MED12: variants seen among roughly 807,000 people sequenced by gnomAD.
MED12 encodes mediator of RNA polymerase II transcription subunit 12.
A neutral mutation model predicts 177.7 loss-of-function variants in MED12; 10 were observed. That is an observed-to-expected ratio of 0.06 (90% CI 0.03 to 0.10). The LOEUF is 0.10. Ranked by LOEUF, MED12 falls within the 10% of genes least tolerant of loss-of-function variation. MED12 has a pLI of 1.00. For synonymous variants in MED12, 641 were observed against 678.4 expected (o/e 0.94, Z 0.86); for missense variants, 867 against 1,780.8 (o/e 0.49, Z 9.23).
chrX:71,135,083 T>C lies in MED12; in HGVS notation c.4864-9T>C. On this transcript the variant is annotated splice_polypyrimidine_tract_variant and intron_variant, in intron 35 of 44. Transcript: ENST00000374080. The stretch of plus-strand genomic sequence containing the variant: ...TCTGAACTCTTGTCCCATCTTCCTG[T>C]GCCTGCAGAAGGAGTTGGGGGAGCG... 8.3e-7 allele frequency: 1 copy of C among 1,211,356 alleles called. No homozygotes were observed. The highest frequency in any genetic ancestry group is 1.1e-6 in the Non-Finnish European group (1 of 895,378).
At chrX:71,129,061 C>G in intron 24 of MED12, 53 bp from the exon 25 acceptor site, 13 of 1,009,946 alleles carry the variant, frequency 1.3e-5, no homozygotes, top group Non-Finnish European at 1.8e-5. Flanking sequence ...CACACATAAA[C>G]CCACATACAG....
At chrX:71,139,048 A>G (rs1207846044) in intron 41 of MED12, among the ~76,000 whole-genome samples, 1 of 111,958 alleles carries the variant, frequency 8.9e-6, no homozygotes, top group African/African-American at 3.2e-5. Context: ...AAGATAGCAA[A>G]AAAAACCCCC....
intron 11 of MED12, among the ~76,000 whole-genome samples, 178 bp from the exon 12 acceptor site, chrX:71,123,416 A>T (rs1212981435): frequency 9.0e-6 from 1 of 111,384 alleles, no homozygotes; most frequent in Non-Finnish European, 1.9e-5. Flanking sequence ...TTGTAGTAAG[A>T]GTTAGAGATA....
rs2147796689 is a variant in MED12, at chrX:71,126,490, G to A, written c.2685+6G>A. 2.5e-6 allele frequency: 3 copies of A among 1,211,975 alleles called. No homozygotes were observed. The highest frequency in any genetic ancestry group is 3.4e-6 in the Non-Finnish European group (3 of 895,394). ...TCATCGACTTTGCCATTCAGGTGGG[G>A]AAGTTGGGGAGATGAGGGTGGAGGC... is the stretch of plus-strand genomic sequence containing the variant. On this transcript the variant is annotated splice_donor_region_variant and intron_variant, in intron 19 of 44. Transcript: ENST00000374080.
At chrX:71,136,205 A>C in intron 36 of MED12, 76 bp from the exon 37 acceptor site, 1 of 1,144,784 alleles carries the variant, frequency 8.7e-7, no homozygotes, top group Non-Finnish European at 1.2e-6. Flanking sequence ...CTTTCTTTCT[A>C]CCCATTCCTA....
At chrX:71,135,387 T>C (rs2092329492) in intron 36 of MED12, 134 bp downstream of exon 36, 3 of 721,359 alleles carry the variant, frequency 4.2e-6, no homozygotes, top group Non-Finnish European at 6.4e-6. Flanking sequence ...GAACACCATC[T>C]CTGGGGTTTT....
chrX:71,120,868 A>T, intron 4 of MED12, 103 bp from the exon 5 acceptor site: 1 of 1,023,827 alleles, frequency 9.8e-7, no homozygotes, highest in African/African-American at 1.9e-5. Flanking sequence ...TCAGCCTCCC[A>T]AAGTGCTGGG....
chrX:71,127,424 A>G lies in MED12; in HGVS notation c.2938A>G (p.Thr980Ala). ...CILAYLYDLY[T>A]SCSHLKNKFG... ...CCTTGCTTATCTCTATGATCTGTAC[A>G]CCTCCTGTAGCCATTTAAAGAACAA... The change falls in exon 21 of 45, where the codon ACC (threonine) becomes GCC (alanine). Residue 980 changes from threonine (T) to alanine (A), a missense_variant. Around this residue, in one of 14 missense-constraint regions of MED12, gnomAD observed 70 missense variants for 143.6 expected, o/e 0.49. Coordinates refer to ENST00000374080, the MANE Select transcript of MED12 (RefSeq NM_005120.3). 1 of 1,206,582 alleles carries G rather than the reference A, an allele frequency of 8.3e-7. No individual in the cohort carries two copies. The highest frequency in any genetic ancestry group is 1.1e-6 in the Non-Finnish European group (1 of 891,936).
At position 71,136,147 on chromosome X, in the gene MED12, C is replaced by T. The variant is rs41307369; in HGVS notation, c.5026-134C>T. 7,149 of 743,248 alleles carry T rather than the reference C, an allele frequency of 9.6e-3. 36 individuals carry two copies. The highest frequency in any genetic ancestry group is 0.022 in the Middle Eastern group (51 of 2,324). The allele number at this position is 743,248 out of a possible 1,213,427, so 61.3% of individuals were successfully genotyped here. Reference sequence around the variant, plus strand: ...TCTCTTCCGCATGTATATGTGTATCCATGTCTGTCTGTCTGCTTCTTACCA... The same window carrying T: ...TCTCTTCCGCATGTATATGTGTATCTATGTCTGTCTGTCTGCTTCTTACCA... On this transcript the variant is annotated intron_variant, in intron 36 of 44. Coordinates refer to ENST00000374080, the MANE Select transcript of MED12 (RefSeq NM_005120.3).
chrX:71,141,559 C>CA (rs768341309), intron 43 of MED12, among the ~76,000 whole-genome samples, 189 bp downstream of exon 43: 2 of 112,338 alleles, frequency 1.8e-5, no homozygotes, highest in East Asian at 5.6e-4. Context: ...GAGGCCAAGG[C>CA]AGGTGGATCA....
At chrX:71,119,009 G>C (rs1428287719) in intron 1 of MED12, among the ~76,000 whole-genome samples, 156 bp downstream of exon 1, 1 of 106,769 alleles carries the variant, frequency 9.4e-6, no homozygotes, top group African/African-American at 3.4e-5. Flanking sequence ...AGGGCAGGAC[G>C]GGGGGCGGTG....
intron 13 of MED12, 82 bp downstream of exon 13, chrX:71,124,470 T>C: frequency 2.5e-6 from 2 of 795,759 alleles, no homozygotes. Context: ...AAGAGCCTCT[T>C]TTGCCTGGGG....
chrX:71,132,665 C>T, intron 31 of MED12, 127 bp downstream of exon 31: 3 of 917,536 alleles, frequency 3.3e-6, no homozygotes, highest in South Asian at 2.3e-5. Flanking sequence ...TAAGAGTGGG[C>T]ATGGCTGAGC....
At chrX:71,137,692 C>A in intron 40 of MED12, 34 bp from the exon 41 acceptor site, 1 of 1,203,089 alleles carries the variant, frequency 8.3e-7, no homozygotes, top group East Asian at 3.0e-5. Context: ...TGCATACTCT[C>A]GGCCCTGATT....
chrX:71,119,359 C>T lies in MED12; in HGVS notation c.100-14C>T. 1.7e-6 allele frequency: 2 copies of T among 1,172,105 alleles called. No individual in the cohort carries two copies. Among genetic ancestry groups the T allele is most frequent in the Non-Finnish European group, 2.3e-6 (2 of 868,824 alleles). ...CTAAGGAAAAAACAACTAAACGCCG[C>T]TTTCCTGCCTCAGGATGAACTGACG... On this transcript the variant is annotated splice_polypyrimidine_tract_variant and intron_variant, in intron 1 of 44. Coordinates refer to ENST00000374080, the MANE Select transcript of MED12 (RefSeq NM_005120.3).
intron 2 of MED12, 66 bp from the exon 3 acceptor site, chrX:71,119,620 C>A: frequency 1.7e-6 from 2 of 1,151,892 alleles, no homozygotes; most frequent in Non-Finnish European, 2.4e-6. Flanking sequence ...GGCATTTGCC[C>A]AGCAAAAGGC....
chrX:71,131,953 T>A (rs1002392458), intron 29 of MED12, 120 bp from the exon 30 acceptor site: 2 of 655,232 alleles, frequency 3.1e-6, no homozygotes, highest in African/African-American at 2.2e-5. Context: ...TGCGTTCCTA[T>A]CTCCCCATCA....
rs200328506 is a variant in MED12 at position 71,136,988 on chromosome X, G to T, written c.5510G>T (p.Gly1837Val). ...ATAACACACCTTAACTACAGGCAAG[G>T]CTCCATAGGCCTGTACACCCAGAAC... Reference protein sequence around the residue: ...GSITHLNYRQGSIGLYTQNQP... With the variant: ...GSITHLNYRQVSIGLYTQNQP... Residue 1837 changes from glycine to valine, a missense_variant, in exon 38 of 45, where the codon GGC (glycine) becomes GTC (valine). Transcript: ENST00000374080. 2 of 1,200,777 alleles carry T rather than the reference G, an allele frequency of 1.7e-6. No individual in the cohort carries two copies. Among genetic ancestry groups the T allele is most frequent in the African/African-American group, 1.8e-5 (1 of 56,477 alleles).
At chrX:71,122,440 C>T (rs1166579088) in intron 8 of MED12, 68 bp from the exon 9 acceptor site, 1 of 1,185,427 alleles carries the variant, frequency 8.4e-7, no homozygotes, top group Admixed American at 2.2e-5. Flanking sequence ...TACTATTCTT[C>T]TAGCCTGGGG....
Sources: allele counts gnomAD v4.1 joint callset (sites outside exome capture counted in the v4.1 genomes callset), GRCh38; gene constraint gnomAD v4.1.1; regional missense constraint gnomAD v4.1.1; transcripts MANE v1.5; gene names NCBI Gene and HGNC (gene_info 2026-07-23, HGNC 2026-07-21).